The following TUSC3 variants were observed in gnomAD, a reference collection of about 807,000 sequenced individuals.
TUSC3 encodes the protein tumor suppressor candidate 3, also known as dolichyl-diphosphooligosaccharide--protein glycosyltransferase subunit TUSC3.
Under a neutral mutation model 44.8 loss-of-function variants are expected in TUSC3, and 45 were observed. The ratio of observed to expected loss-of-function variants is 1.00; its 90% CI spans 0.79 to 1.29. The LOEUF is 1.29. TUSC3 is among the 50% of genes most tolerant of loss of function. The pLI is 0.00. For synonymous variants in TUSC3, 212 were observed against 152.9 expected (o/e 1.39, Z -2.85); for missense variants, 519 against 437.9 (o/e 1.19, Z -1.65).
At chr8:15,461,390 C>T (rs1800342660) in intron 1 of TUSC3, among the ~76,000 whole-genome samples, 1 of 151,970 alleles carries the variant, frequency 6.6e-6, no homozygotes, top group Non-Finnish European at 1.5e-5. Context: ...ATTTTGTATC[C>T]AGAAACTTTA....
At chr8:15,760,160 TAAC>T (rs1284538192) in intron 10 of TUSC3, among the ~76,000 whole-genome samples, 1 of 152,118 alleles carries the variant, frequency 6.6e-6, no homozygotes, top group Non-Finnish European at 1.5e-5. Flanking sequence ...TAATAGCTAA[TAAC>T]AAAGAGGAAG....
chr8:15,738,047 G>T (rs1164306895), intron 7 of TUSC3, among the ~76,000 whole-genome samples: 2 of 152,072 alleles, frequency 1.3e-5, no homozygotes, highest in East Asian at 3.9e-4. Flanking sequence ...CGAGCTTAAA[G>T]CCATTTTAGT....
At chr8:15,635,254 A>G (rs1365672315) in intron 2 of TUSC3, among the ~76,000 whole-genome samples, 1 of 152,180 alleles carries the variant, frequency 6.6e-6, no homozygotes, top group East Asian at 1.9e-4. Context: ...CCAAGAAGAG[A>G]TGAACTCTTT....
chr8:15,575,828 A>AT lies in TUSC3; in HGVS notation c.138+35267dup, dbSNP rs538939999. ...GCAAATATTATACATAGTTTATATC[A>AT]TTTTTTTGTGGAAATTATACATGTT... On this transcript the variant is annotated intron_variant, in intron 1 of 10. Transcript: ENST00000503731. 1.8e-4 allele frequency among the ~76,000 whole-genome samples: 28 copies of AT among 151,886 alleles called. No individual in the cohort carries two copies. In the East Asian group the frequency reaches 3.9e-3, roughly 21 times the overall value.
At chr8:15,504,013 CAAAAA>C (rs11330340) in intron 2 of TUSC3, among the ~76,000 whole-genome samples, 1 of 113,148 alleles carries the variant, frequency 8.8e-6, no homozygotes, top group African/African-American at 3.5e-5. Flanking sequence ...GACTCTGTCT[CAAAAA>C]AAAAAAAAAA....
the TUSC3 span, among the ~76,000 whole-genome samples, chr8:15,802,101 G>A: frequency 4.6e-5 from 7 of 152,154 alleles, no homozygotes; most frequent in Admixed American, 1.3e-4. Flanking sequence ...CCGTTCATGC[G>A]CCTGTGAAGA....
intron 1 of TUSC3, among the ~76,000 whole-genome samples, chr8:15,437,116 G>A (rs1347100622): frequency 6.6e-6 from 1 of 152,038 alleles, no homozygotes; most frequent in African/African-American, 2.4e-5. Flanking sequence ...AAACTGCAGA[G>A]ACCTGAAAAG....
the TUSC3 span, among the ~76,000 whole-genome samples, chr8:15,840,150 T>C: frequency 2.6e-5 from 4 of 151,852 alleles, no homozygotes; most frequent in Non-Finnish European, 5.9e-5. Flanking sequence ...CACCGCATAC[T>C]CTCACTCATA....
the TUSC3 span, among the ~76,000 whole-genome samples, chr8:15,828,239 C>T: frequency 2.6e-5 from 4 of 152,212 alleles, no homozygotes; most frequent in Admixed American, 6.5e-5. Context: ...CTGTGATCCA[C>T]CCGCCTTGGC....
intron 1 of TUSC3, among the ~76,000 whole-genome samples, chr8:15,453,855 C>G (rs937482424): frequency 6.6e-6 from 1 of 152,128 alleles, no homozygotes; most frequent in Non-Finnish European, 1.5e-5. Flanking sequence ...TTGCAACCAG[C>G]ACCAGGGAAA....
In TUSC3 at chr8:15,623,812, C is replaced by G. The variant is rs189132294; in HGVS notation, c.308+563C>G. Among the ~76,000 whole-genome samples the G allele has an allele frequency of 1.6e-4, 25 of 152,192 alleles. No homozygotes were observed. The East Asian group carries it at 3.7e-3, about 22-fold the overall frequency. ...TTTTGAAATAATTGTAGGTACACAT[C>G]TTTTACCCAGTTTCCTCCAGTGGTA... On this transcript the variant is annotated intron_variant, in intron 2 of 10. Coordinates refer to ENST00000503731, the MANE Select transcript of TUSC3 (RefSeq NM_006765.4).
chr8:15,482,472 G>A (rs1389036834), intron 1 of TUSC3, among the ~76,000 whole-genome samples: 1 of 152,182 alleles, frequency 6.6e-6, no homozygotes, highest in Admixed American at 6.5e-5. Context: ...ATGGTTTACT[G>A]AATATTTTAA....
chr8:15,616,827 T>C (rs1157964401), intron 1 of TUSC3, among the ~76,000 whole-genome samples: 1 of 151,964 alleles, frequency 6.6e-6, no homozygotes, highest in African/African-American at 2.4e-5. Flanking sequence ...CATCCAGATG[T>C]CGATTTCCAA....
chr8:15,741,892 A>G (rs1391574394), intron 7 of TUSC3, among the ~76,000 whole-genome samples: 3 of 152,136 alleles, frequency 2.0e-5, no homozygotes, highest in Admixed American at 2.0e-4. Flanking sequence ...GCTCTAGAAA[A>G]CTGAGTTTTA....
upstream of TUSC3, among the ~76,000 whole-genome samples, chr8:15,536,438 T>C: frequency 6.6e-6 from 1 of 151,688 alleles, no homozygotes; most frequent in East Asian, 1.9e-4. Context: ...TCCCAGCACT[T>C]TGGGATGCCG....
chr8:15,810,743 C>T, the TUSC3 span, among the ~76,000 whole-genome samples: 16 of 152,122 alleles, frequency 1.1e-4, no homozygotes, highest in Non-Finnish European at 2.1e-4. Context: ...AGATTGAAGT[C>T]GCCCTGCAAA....
chr8:15,691,956 T>G (rs375452017), intron 6 of TUSC3, among the ~76,000 whole-genome samples: 411 of 152,124 alleles, frequency 2.7e-3, no homozygotes, highest in African/African-American at 9.2e-3. Flanking sequence ...AATTTTTGTA[T>G]TTTTAGTAGA....
At chr8:15,813,219 G>T in the TUSC3 span, among the ~76,000 whole-genome samples, 8 of 152,312 alleles carry the variant, frequency 5.3e-5, no homozygotes, top group South Asian at 1.7e-3. Flanking sequence ...TAGACACTGT[G>T]TAATCAGCCA....
chr8:15,840,610 C>A, the TUSC3 span, among the ~76,000 whole-genome samples: 1 of 152,014 alleles, frequency 6.6e-6, no homozygotes, highest in Admixed American at 6.6e-5. Flanking sequence ...TCTGAAGTTT[C>A]TTAATTCCTA....
Sources: allele counts gnomAD v4.1 joint callset (sites outside exome capture counted in the v4.1 genomes callset), GRCh38; gene constraint gnomAD v4.1.1; transcripts MANE v1.5; gene names NCBI Gene and HGNC (gene_info 2026-07-23, HGNC 2026-07-21).